Variants in LRP1B observed in about 807,000 individuals in gnomAD.
The protein encoded by LRP1B is LDL receptor related protein 1B.
Under a neutral mutation model 556.6 loss-of-function variants are expected in LRP1B, and 217 were observed. The ratio of observed to expected loss-of-function variants is 0.39; its 90% CI spans 0.35 to 0.44. The LOEUF (loss-of-function observed/expected upper bound fraction) is 0.44. LRP1B is among the 20% of genes least tolerant of loss of function. LRP1B has a pLI of 1.00. For missense variants in LRP1B, 5,053 were observed against 5,620.8 expected, an observed-to-expected ratio of 0.90 and a Z score of 3.23; for synonymous variants, 2,047 against 1,865.8, an observed-to-expected ratio of 1.10 and a Z score of -2.50.
intron 77 of LRP1B, among the ~76,000 whole-genome samples, chr2:140,342,691 G>T (rs1284979448): frequency 2.0e-5 from 3 of 151,516 alleles, no homozygotes; most frequent in Non-Finnish European, 4.4e-5. Flanking sequence ...AGAGTTTAGT[G>T]CCACAGAACA....
intron 35 of LRP1B, among the ~76,000 whole-genome samples, chr2:140,743,514 C>T (rs1017111166): frequency 6.6e-6 from 1 of 152,190 alleles, no homozygotes; most frequent in Admixed American, 6.5e-5. Context: ...TCTTGTGTCT[C>T]AGTTTCCCCA....
rs551501476 is a variant in LRP1B at position 141,934,600 on chromosome 2, C to T, written c.83-124199G>A. Among the ~76,000 whole-genome samples the T allele has an allele frequency of 2.7e-4, 41 of 152,220 alleles. 3 individuals are homozygous for T. The South Asian group carries it at 6.6e-3, about 25-fold the overall frequency. Reference sequence around the variant, plus strand: ...CCAAATCTCATCTAGAACTCTGGCTCCCATAATCCCCACATGTTGTGGGAG... The same window carrying T: ...CCAAATCTCATCTAGAACTCTGGCTTCCATAATCCCCACATGTTGTGGGAG... On this transcript the variant is annotated intron_variant, in intron 1 of 90. Transcript: ENST00000389484.
intron 43 of LRP1B, among the ~76,000 whole-genome samples, chr2:140,554,858 G>GTA (rs1199379499): frequency 2.5e-5 from 3 of 118,836 alleles, no homozygotes; most frequent in African/African-American, 8.3e-5. Flanking sequence ...GTGTGTATGT[G>GTA]TGTGTGTGTG....
intron 37 of LRP1B, among the ~76,000 whole-genome samples, chr2:140,715,282 G>A (rs2105459342): frequency 6.6e-6 from 1 of 152,100 alleles, no homozygotes; most frequent in South Asian, 2.1e-4. Flanking sequence ...AGGCTTTGGT[G>A]AGTTTAGGAG....
At chr2:141,692,172 G>A (rs951477986) in intron 2 of LRP1B, among the ~76,000 whole-genome samples, 1 of 151,896 alleles carries the variant, frequency 6.6e-6, no homozygotes, top group Non-Finnish European at 1.5e-5. Flanking sequence ...GTAACTAAGA[G>A]TAACTTTTCT....
intron 41 of LRP1B, among the ~76,000 whole-genome samples, chr2:140,687,611 TTC>T (rs901286921): frequency 2.0e-5 from 3 of 151,622 alleles, no homozygotes; most frequent in African/African-American, 2.4e-5. Context: ...AATATACTCT[TTC>T]TCTCTCTCTC....
chr2:141,390,974 T>C (rs1690028854), intron 3 of LRP1B, among the ~76,000 whole-genome samples: 1 of 152,018 alleles, frequency 6.6e-6, no homozygotes, highest in Non-Finnish European at 1.5e-5. Flanking sequence ...GCAAATCATA[T>C]CCTTCACACT....
intron 41 of LRP1B, among the ~76,000 whole-genome samples, chr2:140,657,566 C>CACAT (rs55732717): frequency 0.5 from 72,252 of 144,022 alleles, 20,969 homozygotes; most frequent in Non-Finnish European, 0.65. Flanking sequence ...TATATATATA[C>CACAT]ACATACATAC....
intron 86 of LRP1B, among the ~76,000 whole-genome samples, chr2:140,261,949 GTTT>G (rs1039260460): frequency 8.6e-5 from 13 of 151,826 alleles, no homozygotes; most frequent in Non-Finnish European, 1.3e-4. Context: ...TGAAAAGTTT[GTTT>G]TTTAATTATG....
intron 63 of LRP1B, 83 bp from the exon 64 acceptor site, chr2:140,444,762 T>C: frequency 1.3e-6 from 1 of 792,296 alleles, no homozygotes; most frequent in Non-Finnish European, 2.2e-6. Flanking sequence ...ATTCAAGATA[T>C]TTACTATAAT....
At chr2:140,655,865 C>G (rs1480343076) in intron 41 of LRP1B, among the ~76,000 whole-genome samples, 1 of 151,692 alleles carries the variant, frequency 6.6e-6, no homozygotes, top group African/African-American at 2.4e-5. Flanking sequence ...GTGGCCTGTA[C>G]CCGGGAGGCG....
At chr2:140,888,649 G>T (rs192949205) in intron 23 of LRP1B, among the ~76,000 whole-genome samples, 1 of 152,084 alleles carries the variant, frequency 6.6e-6, no homozygotes, top group East Asian at 1.9e-4. Context: ...TTAGAGAAAT[G>T]TGTTAGCAAA....
rs572123072 is a variant in LRP1B, at chr2:141,644,687, A to G, written c.206-164154T>C. On this transcript the variant is annotated intron_variant, in intron 2 of 90. Coordinates refer to ENST00000389484, the MANE Select transcript of LRP1B (RefSeq NM_018557.3). Reference sequence around the variant, plus strand: ...GAAAAGGCATTGCTTCCTTGACCAGAGTCAGTAGAATATGGTCAGTTGTCT... The same window carrying G: ...GAAAAGGCATTGCTTCCTTGACCAGGGTCAGTAGAATATGGTCAGTTGTCT... Among the ~76,000 whole-genome samples the G allele has an allele frequency of 5.9e-5, 9 of 151,708 alleles. No homozygotes were observed. In the South Asian group the frequency reaches 1.9e-3, roughly 32 times the overall value.
chr2:140,740,505 G>A lies in LRP1B; in HGVS notation c.5759-23689C>T, dbSNP rs150122984. 2.3e-3 allele frequency among the ~76,000 whole-genome samples: 352 copies of A among 152,172 alleles called. 1 individual carries two copies. The highest frequency in any genetic ancestry group is 7.4e-3 in the African/African-American group (308 of 41,492). On this transcript the variant is annotated intron_variant, in intron 35 of 90. Transcript: ENST00000389484. ...ATGATACATGGACTTTGAGGACTTC[G>A]GGGGAAGGATGGGACATGGGCGAGG...
rs568837421 is a variant in LRP1B at position 140,737,501 on chromosome 2, C to CA, written c.5759-20686dup. On this transcript the variant is annotated intron_variant, in intron 35 of 90. Coordinates refer to ENST00000389484, the MANE Select transcript of LRP1B (RefSeq NM_018557.3). ...CTGGATTCACAGATCCAGTAGGAGT[C>CA]ACGTTCTTAGTCCTAGTGTATAAAA... 2.2e-4 allele frequency among the ~76,000 whole-genome samples: 34 copies of CA among 152,226 alleles called. No homozygotes were observed. In the South Asian group the frequency reaches 6.6e-3, roughly 30 times the overall value.
chr2:141,291,951 T>C (rs1685983906), intron 3 of LRP1B, among the ~76,000 whole-genome samples: 1 of 150,470 alleles, frequency 6.6e-6, no homozygotes, highest in Non-Finnish European at 1.5e-5. Context: ...AACAAATATT[T>C]AACTGTATAT....
At chr2:140,587,108 T>C (rs1408124374) in intron 43 of LRP1B, among the ~76,000 whole-genome samples, 1 of 151,870 alleles carries the variant, frequency 6.6e-6, no homozygotes, top group Non-Finnish European at 1.5e-5. Flanking sequence ...ATGGAGGAAA[T>C]GGAAGATGTG....
intron 22 of LRP1B, among the ~76,000 whole-genome samples, chr2:140,904,830 T>C (rs1292882586): frequency 2.0e-5 from 3 of 152,122 alleles, no homozygotes; most frequent in South Asian, 2.1e-4. Context: ...AGAAATGTCA[T>C]TGTGCCCAGG....
intron 1 of LRP1B, among the ~76,000 whole-genome samples, chr2:142,044,558 G>T (rs1170042487): frequency 6.6e-6 from 1 of 151,734 alleles, no homozygotes; most frequent in Non-Finnish European, 1.5e-5. Context: ...ACACATACCT[G>T]CTGGCACTTT....
Sources: gnomAD v4.1 joint callset for allele counts (sites outside exome capture counted in the v4.1 genomes callset) on GRCh38, gnomAD v4.1.1 for gene constraint, MANE v1.5 for transcripts, NCBI Gene and HGNC (gene_info 2026-07-23, HGNC 2026-07-21) for gene names.